JMJD1C: variants seen among roughly 807,000 people sequenced by gnomAD.
JMJD1C encodes jumonji domain containing 1C.
A neutral mutation model predicts 245.3 loss-of-function variants in JMJD1C; 31 were observed. That is an observed-to-expected ratio of 0.13 (90% CI 0.09 to 0.17). The LOEUF (loss-of-function observed/expected upper bound fraction) is 0.17. Ranked by LOEUF, JMJD1C falls within the 10% of genes least tolerant of loss-of-function variation. The probability of loss-of-function intolerance (pLI) is 1.00; values close to 1 mark genes in which losing one functional copy is unlikely to be tolerated. For synonymous variants in JMJD1C, 1,057 were observed against 1,017.4 expected (o/e 1.04, Z -0.74); for missense variants, 2,691 against 3,000.2 (o/e 0.90, Z 2.41).
intron 1 of JMJD1C, among the ~76,000 whole-genome samples, chr10:63,493,061 G>T (rs80012969): frequency 6.6e-6 from 1 of 151,960 alleles, no homozygotes; most frequent in Admixed American, 6.6e-5. Flanking sequence ...CTTTCTTTCC[G>T]TTTCTCTCCT....
intron 3 of JMJD1C, among the ~76,000 whole-genome samples, chr10:63,229,170 T>A (rs1228596789): frequency 1.9e-4 from 29 of 151,876 alleles, no homozygotes; most frequent in African/African-American, 4.8e-5. Context: ...AATACTTTTT[T>A]AAAAAAAAGG....
intron 2 of JMJD1C, among the ~76,000 whole-genome samples, chr10:63,298,866 G>A (rs1279108334): frequency 6.6e-6 from 1 of 151,974 alleles, no homozygotes; most frequent in Non-Finnish European, 1.5e-5. Flanking sequence ...CCGAATAGCT[G>A]AGAATACAGG....
At chr10:63,427,195 A>C (rs1950492227) in intron 1 of JMJD1C, 1 of 166,000 alleles carries the variant, frequency 6.0e-6, no homozygotes, top group African/African-American at 2.4e-5. Flanking sequence ...CTGAGCTACG[A>C]GCCTGGCGGC....
intron 2 of JMJD1C, among the ~76,000 whole-genome samples, chr10:63,333,487 G>GC (rs1300097524): frequency 1.3e-5 from 2 of 152,070 alleles, no homozygotes; most frequent in East Asian, 1.9e-4. Flanking sequence ...GGTTGAGGCT[G>GC]CAACGACTGC....
chr10:63,484,508 C>T (rs1483521806), intron 1 of JMJD1C, among the ~76,000 whole-genome samples: 1 of 152,030 alleles, frequency 6.6e-6, no homozygotes, highest in Non-Finnish European at 1.5e-5. Context: ...CTTATTTGAA[C>T]TTCAATAGTG....
At chr10:63,312,497 T>G (rs1367686523) in intron 2 of JMJD1C, among the ~76,000 whole-genome samples, 1 of 152,180 alleles carries the variant, frequency 6.6e-6, no homozygotes, top group Non-Finnish European at 1.5e-5. Flanking sequence ...GGAGTTAACC[T>G]AATAATCTAA....
chr10:63,202,913 T>G (rs1032391444), intron 10 of JMJD1C: 3 of 977,804 alleles, frequency 3.1e-6, no homozygotes, highest in Non-Finnish European at 3.6e-6. Flanking sequence ...TAGAATAAAC[T>G]AAATACAGTC....
chr10:63,385,828 A>T (rs2134547178), intron 1 of JMJD1C, among the ~76,000 whole-genome samples: 1 of 152,256 alleles, frequency 6.6e-6, no homozygotes, highest in African/African-American at 2.4e-5. Flanking sequence ...ATATTTACTT[A>T]TATATAGGTT....
In JMJD1C at chr10:63,213,770, C is replaced by T; in HGVS notation, c.2397G>A (p.Val799=). The T allele has an allele frequency of 6.2e-7, 1 of 1,614,086 alleles. No homozygotes were observed. The highest frequency in any genetic ancestry group is 1.6e-4 in the Middle Eastern group (1 of 6,062). Residue 799 remains valine, a synonymous_variant, in exon 8 of 26, where the codon GTG becomes GTA. Coordinates refer to ENST00000399262, the MANE Select transcript of JMJD1C (RefSeq NM_032776.3). ...AVHHPHLLPT[V]LPGVPTASLL... Reference sequence around the variant, plus strand: ...AGGAGGCAGTAGGCACTCCAGGTAACACAGTGGGAAGTAAATGAGGGTGAT... The same window carrying T: ...AGGAGGCAGTAGGCACTCCAGGTAATACAGTGGGAAGTAAATGAGGGTGAT...
chr10:63,366,802 C>G (rs1369160848), intron 2 of JMJD1C, among the ~76,000 whole-genome samples: 1 of 152,090 alleles, frequency 6.6e-6, no homozygotes, highest in African/African-American at 2.4e-5. Context: ...CTCCTGGGTG[C>G]CTGGGTCACT....
At chr10:63,172,647 A>G (rs1842477718) in intron 24 of JMJD1C, among the ~76,000 whole-genome samples, 1 of 152,052 alleles carries the variant, frequency 6.6e-6, no homozygotes, top group Admixed American at 6.6e-5. Flanking sequence ...GGAGGAAAAT[A>G]AAGCAGGAAA....
intron 2 of JMJD1C, among the ~76,000 whole-genome samples, chr10:63,289,344 T>C (rs1858368522): frequency 6.6e-6 from 1 of 152,194 alleles, no homozygotes; most frequent in South Asian, 2.1e-4. Context: ...CTTAGAGGAC[T>C]GGTAAGTTAC....
At chr10:63,444,384 C>G (rs1951568702) in intron 1 of JMJD1C, among the ~76,000 whole-genome samples, 1 of 152,096 alleles carries the variant, frequency 6.6e-6, no homozygotes, top group Non-Finnish European at 1.5e-5. Context: ...AGAGATTCTC[C>G]TGCCTCAGCC....
At chr10:63,444,462 C>G (rs941839762) in intron 1 of JMJD1C, among the ~76,000 whole-genome samples, 2 of 151,716 alleles carry the variant, frequency 1.3e-5, no homozygotes, top group Non-Finnish European at 2.9e-5. Context: ...TTAGTAGAGA[C>G]CGGGTTTCAC....
intron 1 of JMJD1C, among the ~76,000 whole-genome samples, chr10:63,400,122 G>A (rs567468183): frequency 4.8e-4 from 73 of 152,122 alleles, no homozygotes; most frequent in African/African-American, 1.4e-3. Flanking sequence ...ATCCCACTTG[G>A]GGCATGAACC....
chr10:63,360,068 G>T (rs907607025), intron 2 of JMJD1C, among the ~76,000 whole-genome samples: 2 of 152,030 alleles, frequency 1.3e-5, no homozygotes, highest in Admixed American at 6.6e-5. Context: ...CCAGCTACTT[G>T]AGAGGCTGAG....
intron 24 of JMJD1C, among the ~76,000 whole-genome samples, chr10:63,173,630 GGGGATCACTTGAACCCAGGA>G (rs1288115067): frequency 6.6e-6 from 1 of 152,078 alleles, no homozygotes; most frequent in African/African-American, 2.4e-5. Context: ...GGTGTGGTGG[GGGGATCACTTGAACCCAGGA>G]GTTTGAGATT....
intron 1 of JMJD1C, 78 bp from the exon 2 acceptor site, chr10:63,380,560 G>A: frequency 9.1e-7 from 1 of 1,101,566 alleles, no homozygotes; most frequent in Middle Eastern, 3.0e-4. Flanking sequence ...CATAATAATT[G>A]TACATATTTA....
intron 2 of JMJD1C, among the ~76,000 whole-genome samples, chr10:63,346,165 C>T (rs1027607069): frequency 1.3e-5 from 2 of 152,138 alleles, no homozygotes; most frequent in South Asian, 4.1e-4. Context: ...AACTTAGTCA[C>T]CCAAGTAGCT....
Sources: gnomAD v4.1 joint callset for allele counts (sites outside exome capture counted in the v4.1 genomes callset) on GRCh38, gnomAD v4.1.1 for gene constraint, MANE v1.5 for transcripts, NCBI Gene and HGNC (gene_info 2026-07-23, HGNC 2026-07-21) for gene names.